The following CEP135 variants were observed in gnomAD, a reference collection of about 807,000 sequenced individuals.
CEP135 encodes centrosomal protein 135.
Under a neutral mutation model 157.3 loss-of-function variants are expected in CEP135, and 142 were observed. The ratio of observed to expected loss-of-function variants is 0.90; its 90% CI spans 0.79 to 1.04. The LOEUF is 1.04. Ranked by LOEUF, CEP135 falls within the 50% of genes least tolerant of loss-of-function variation. The pLI, the probability that CEP135 is intolerant of heterozygous loss-of-function variation, is 0.00. For missense variants in CEP135, 1,317 were observed against 1,309.2 expected, an observed-to-expected ratio of 1.01 and a Z score of -0.09; for synonymous variants, 396 against 439.8, an observed-to-expected ratio of 0.90 and a Z score of 1.25.
At position 55,974,759 on chromosome 4, in the gene CEP135, T is replaced by A. The variant is rs1417008808; in HGVS notation, c.1263T>A (p.Thr421=). 6.2e-7 allele frequency: 1 copy of A among 1,612,330 alleles called. No individual in the cohort carries two copies. Among genetic ancestry groups the A allele is most frequent in the Non-Finnish European group, 8.5e-7 (1 of 1,179,326 alleles). Reference sequence around the variant, plus strand: ...TTTAATTTACAGAACGACAACTTACTCTGGAGGTTGAGAGGATGAGACTAG... The same window carrying A: ...TTTAATTTACAGAACGACAACTTACACTGGAGGTTGAGAGGATGAGACTAG... The part of the protein sequence containing the change: ...ESFAVTERQL[T]LEVERMRLEH... The change falls in exon 11 of 26, where the codon ACT becomes ACA. Residue 421 remains threonine (T), a synonymous_variant. Transcript: ENST00000257287.
chr4:55,965,536 A>C (rs1247223417), intron 7 of CEP135, 108 bp from the exon 8 acceptor site: 1 of 732,302 alleles, frequency 1.4e-6, no homozygotes, highest in African/African-American at 1.8e-5. Context: ...CTGTAGTTTT[A>C]ATCTTCAATA....
intron 21 of CEP135, among the ~76,000 whole-genome samples, chr4:56,014,957 G>A (rs180991118): frequency 6.6e-6 from 1 of 152,184 alleles, no homozygotes; most frequent in Admixed American, 6.5e-5. Flanking sequence ...CTACTTGGGG[G>A]GCTGAGCCCA....
intron 6 of CEP135, among the ~76,000 whole-genome samples, chr4:55,961,764 T>TAAAAAAAAAAAAAA (rs564116620): frequency 1.8e-5 from 1 of 54,186 alleles, no homozygotes; most frequent in South Asian, 1.1e-3. Context: ...AAACTCTGTC[T>TAAAAAAAAAAAAAA]AAAAAAAAAA....
intron 11 of CEP135, among the ~76,000 whole-genome samples, chr4:55,977,027 G>T (rs1729247901): frequency 6.7e-6 from 1 of 148,250 alleles, no homozygotes. Context: ...TTTCCATGTT[G>T]CCCAGGCTGG....
chr4:56,014,725 CAAAA>C (rs1730711786), intron 21 of CEP135, among the ~76,000 whole-genome samples: 1 of 151,848 alleles, frequency 6.6e-6, no homozygotes, highest in African/African-American at 2.4e-5. Flanking sequence ...AACTGAAAAG[CAAAA>C]AAGAAAGCAA....
intron 17 of CEP135, among the ~76,000 whole-genome samples, chr4:56,005,108 T>C (rs1730310522): frequency 6.6e-6 from 1 of 152,166 alleles, no homozygotes; most frequent in Non-Finnish European, 1.5e-5. Flanking sequence ...TTCTAAGTTA[T>C]TTTAAAGAAC....
intron 13 of CEP135, among the ~76,000 whole-genome samples, chr4:55,984,863 T>G (rs1729524209): frequency 6.6e-6 from 1 of 152,214 alleles, no homozygotes; most frequent in Admixed American, 6.5e-5. Flanking sequence ...CCTTGTAGTA[T>G]TGTGTTTCCT....
chr4:56,029,939 T>A (rs943802591), intron 25 of CEP135, among the ~76,000 whole-genome samples: 1 of 152,224 alleles, frequency 6.6e-6, no homozygotes, highest in Non-Finnish European at 1.5e-5. Flanking sequence ...TTATAAACAC[T>A]GTATACTTAG....
chr4:56,016,680 A>G (rs1310624476), intron 21 of CEP135, among the ~76,000 whole-genome samples: 1 of 151,874 alleles, frequency 6.6e-6, no homozygotes, highest in African/African-American at 2.4e-5. Flanking sequence ...GGATTTGTGG[A>G]GTTTTTTTTT....
chr4:56,020,680 A>T lies in CEP135; in HGVS notation c.3220A>T (p.Ser1074Cys), dbSNP rs1193197916. ...ATTTTTTAATTTGTTTTTAAGAACT[A>T]GTCAAAGCCGGGAAAACACCATGCT... Reference protein sequence around the residue: ...KLTLSESKLTSQSRENTMLRA... With the variant: ...KLTLSESKLTCQSRENTMLRA... The change falls in exon 24 of 26, where the codon AGT becomes TGT. Residue 1074 changes from serine to cysteine, a missense_variant. Ser to Cys is a moderately radical substitution (Grantham distance 112). Transcript: ENST00000257287. 1 of 1,612,854 alleles carries T rather than the reference A, an allele frequency of 6.2e-7. No homozygotes were observed. The highest frequency in any genetic ancestry group is 8.5e-7 in the Non-Finnish European group (1 of 1,179,232).
At chr4:55,968,633 C>A (rs563478454) in intron 8 of CEP135, among the ~76,000 whole-genome samples, 1 of 152,232 alleles carries the variant, frequency 6.6e-6, no homozygotes, top group South Asian at 2.1e-4. Flanking sequence ...TCAGAAATGA[C>A]AAGTTGGCTC....
At chr4:56,030,166 G>A (rs907259656) in intron 25 of CEP135, among the ~76,000 whole-genome samples, 1 of 152,142 alleles carries the variant, frequency 6.6e-6, no homozygotes, top group African/African-American at 2.4e-5. Context: ...GTATTCAGGG[G>A]CAATAACATT....
intron 24 of CEP135, 48 bp downstream of exon 24, chr4:56,020,828 A>C: frequency 7.5e-7 from 1 of 1,341,200 alleles, no homozygotes; most frequent in Non-Finnish European, 1.1e-6. Flanking sequence ...TGTGTTCTCT[A>C]TTGTACTTCA....
chr4:55,973,834 C>G (rs1389627334), intron 10 of CEP135, among the ~76,000 whole-genome samples: 1 of 152,188 alleles, frequency 6.6e-6, no homozygotes, highest in African/African-American at 2.4e-5. Context: ...ATCTCTTCAA[C>G]AAAACTGCTC....
intron 21 of CEP135, among the ~76,000 whole-genome samples, chr4:56,012,789 C>T (rs1730630872): frequency 1.3e-5 from 2 of 152,230 alleles, no homozygotes; most frequent in Admixed American, 1.3e-4. Flanking sequence ...AGCCATTCCT[C>T]TGTCAATGGA....
intron 21 of CEP135, among the ~76,000 whole-genome samples, chr4:56,012,326 G>C (rs1392781352): frequency 6.6e-6 from 1 of 152,186 alleles, no homozygotes; most frequent in East Asian, 1.9e-4. Flanking sequence ...AAAGTGCTGG[G>C]ATTACAGGCA....
Position 55,974,735 on chromosome 4 carries a change from T to G in CEP135, c.1250-11T>G. 6.2e-7 allele frequency: 1 copy of G among 1,601,016 alleles called. No homozygotes were observed. Reference sequence around the variant, plus strand: ...AACATTATTTTAAGAGTTAACCACTTTAATTTACAGAACGACAACTTACTC... The same window carrying G: ...AACATTATTTTAAGAGTTAACCACTGTAATTTACAGAACGACAACTTACTC... On this transcript the variant is annotated splice_polypyrimidine_tract_variant and intron_variant, in intron 10 of 25. Transcript: ENST00000257287.
intron 14 of CEP135, among the ~76,000 whole-genome samples, chr4:55,990,816 G>A (rs1729764226): frequency 6.6e-6 from 1 of 152,190 alleles, no homozygotes; most frequent in East Asian, 1.9e-4. Context: ...CCACCATAAC[G>A]CCCAGCCCCC....
At chr4:56,003,486 G>A (rs1413455965) in intron 17 of CEP135, among the ~76,000 whole-genome samples, 1 of 152,172 alleles carries the variant, frequency 6.6e-6, no homozygotes, top group African/African-American at 2.4e-5. Context: ...GGGATTAGAG[G>A]TGTGAGCCAC....
Sources: allele counts gnomAD v4.1 joint callset (sites outside exome capture counted in the v4.1 genomes callset), GRCh38; gene constraint gnomAD v4.1.1; transcripts MANE v1.5; gene names NCBI Gene and HGNC (gene_info 2026-07-23, HGNC 2026-07-21).